The following FNDC1 variants were observed in gnomAD, a reference collection of about 807,000 sequenced individuals.
FNDC1 encodes the protein fibronectin type III domain containing 1.
In FNDC1, 96 loss-of-function variants were observed where a neutral mutation model predicts 168.0. The observed-to-expected ratio is 0.57, with a 90% CI of 0.48 to 0.68. The LOEUF (loss-of-function observed/expected upper bound fraction) is 0.68, where lower values mean the gene tolerates loss of function less well. FNDC1 is among the 30% of genes least tolerant of loss of function. The pLI, the probability that FNDC1 is intolerant of heterozygous loss-of-function variation, is 0.00. For missense variants in FNDC1, 2,587 were observed against 2,482.1 expected (o/e 1.04, Z -0.90); for synonymous variants, 1,099 against 1,025.9 (o/e 1.07, Z -1.36).
In FNDC1 at chr6:159,221,697, G is replaced by C; in HGVS notation, c.766+1G>C. Reference sequence around the variant, plus strand: ...GCCCTAACAAAGCGAAAGATTTCAGGTATGTTTCTAAGGATGCATTTGGTC... The same window carrying C: ...GCCCTAACAAAGCGAAAGATTTCAGCTATGTTTCTAAGGATGCATTTGGTC... On this transcript the variant is annotated splice_donor_variant, in intron 6 of 22. Coordinates refer to ENST00000297267, the MANE Select transcript of FNDC1 (RefSeq NM_032532.3). LOFTEE classifies it high-confidence loss of function. 2 of 1,612,222 alleles carry C rather than the reference G, an allele frequency of 1.2e-6. No homozygotes were observed. Among genetic ancestry groups the C allele is most frequent in the South Asian group, 2.2e-5 (2 of 91,048 alleles).
At chr6:159,181,302 A>G (rs1297327180) in intron 1 of FNDC1, among the ~76,000 whole-genome samples, 1 of 152,204 alleles carries the variant, frequency 6.6e-6, no homozygotes, top group African/African-American at 2.4e-5. Context: ...CAGATGAGGA[A>G]GGGATAAGCC....
At chr6:159,248,146 A>AT (rs1256862328) in intron 15 of FNDC1, among the ~76,000 whole-genome samples, 4 of 152,176 alleles carry the variant, frequency 2.6e-5, no homozygotes, top group South Asian at 4.1e-4. Flanking sequence ...GCAAACGAAG[A>AT]TTTTTTTAGC....
intron 4 of FNDC1, among the ~76,000 whole-genome samples, chr6:159,205,850 A>C (rs1476691273): frequency 6.6e-6 from 1 of 152,194 alleles, no homozygotes; most frequent in Non-Finnish European, 1.5e-5. Flanking sequence ...AGGTCATTGC[A>C]TTCAAAAGTC....
At chr6:159,206,817 G>C (rs949800173) in intron 4 of FNDC1, among the ~76,000 whole-genome samples, 5 of 152,190 alleles carry the variant, frequency 3.3e-5, no homozygotes, top group Non-Finnish European at 7.3e-5. Flanking sequence ...TGAGGTGTTT[G>C]CACAGCCAGA....
chr6:159,174,391 C>T (rs1781721712), intron 1 of FNDC1, among the ~76,000 whole-genome samples: 1 of 152,270 alleles, frequency 6.6e-6, no homozygotes, highest in South Asian at 2.1e-4. Context: ...TATGAAAAAC[C>T]TGCGTCTTCC....
At chr6:159,266,429 C>G (rs1231151921) in intron 21 of FNDC1, among the ~76,000 whole-genome samples, 184 bp downstream of exon 21, 1 of 152,090 alleles carries the variant, frequency 6.6e-6, no homozygotes, top group East Asian at 1.9e-4. Context: ...TTTACACTGG[C>G]AACCCAAAAA....
At chr6:159,199,450 G>A (rs931798089) in intron 2 of FNDC1, among the ~76,000 whole-genome samples, 3 of 152,196 alleles carry the variant, frequency 2.0e-5, no homozygotes, top group African/African-American at 7.2e-5. Flanking sequence ...AAAACAACAT[G>A]CAGACATAGT....
intron 4 of FNDC1, among the ~76,000 whole-genome samples, chr6:159,205,843 T>C (rs1782476001): frequency 6.6e-6 from 1 of 152,208 alleles, no homozygotes; most frequent in Non-Finnish European, 1.5e-5. Context: ...ATGTTTTAGG[T>C]CATTGCATTC....
At chr6:159,221,756 C>T in intron 6 of FNDC1, 60 bp downstream of exon 6, 7 of 1,232,074 alleles carry the variant, frequency 5.7e-6, no homozygotes, top group East Asian at 2.3e-5. Flanking sequence ...TATGTTGTTT[C>T]CAAATGATGC....
chr6:159,231,262 C>T (rs1783076446), intron 10 of FNDC1, among the ~76,000 whole-genome samples: 1 of 80,664 alleles, frequency 1.2e-5, no homozygotes, highest in African/African-American at 3.0e-5. Flanking sequence ...GTAGTCCCAG[C>T]TACTCGGGAG....
At chr6:159,213,769 A>G (rs1782655446) in intron 4 of FNDC1, among the ~76,000 whole-genome samples, 2 of 152,082 alleles carry the variant, frequency 1.3e-5, no homozygotes, top group Non-Finnish European at 2.9e-5. Flanking sequence ...TGAACATACC[A>G]TGGTGTTCTC....
rs1346052692 is a variant in FNDC1, at chr6:159,215,318, C to T, written c.667+167C>T. Among the ~76,000 whole-genome samples, 5 of 152,338 alleles carry T rather than the reference C, an allele frequency of 3.3e-5. No individual in the cohort carries two copies. The South Asian group carries it at 1.0e-3, about 32-fold the overall frequency. ...GTTTCTTCCATGTCCATCCTGGACGCCATCATTTTAACCTTCTGTTAGTGG... is the reference window on the plus strand; with the variant it reads ...GTTTCTTCCATGTCCATCCTGGACGTCATCATTTTAACCTTCTGTTAGTGG... On this transcript the variant is annotated intron_variant, in intron 5 of 22. Coordinates refer to ENST00000297267, the MANE Select transcript of FNDC1 (RefSeq NM_032532.3).
intron 1 of FNDC1, among the ~76,000 whole-genome samples, chr6:159,171,825 G>A (rs1267339844): frequency 1.3e-5 from 2 of 152,180 alleles, no homozygotes; most frequent in African/African-American, 4.8e-5. Context: ...AGGATGGTTA[G>A]GGATGATTTT....
chr6:159,171,827 G>T (rs1419432269), intron 1 of FNDC1, among the ~76,000 whole-genome samples: 1 of 152,184 alleles, frequency 6.6e-6, no homozygotes, highest in African/African-American at 2.4e-5. Flanking sequence ...GATGGTTAGG[G>T]ATGATTTTTA....
chr6:159,269,158 A>G (rs566546566), intron 22 of FNDC1, among the ~76,000 whole-genome samples: 2 of 145,106 alleles, frequency 1.4e-5, no homozygotes, highest in South Asian at 4.2e-4. Flanking sequence ...CCATCTGTCT[A>G]TGTATGTATG....
intron 14 of FNDC1, among the ~76,000 whole-genome samples, chr6:159,242,672 G>A (rs748236224): frequency 9.9e-5 from 15 of 152,130 alleles, no homozygotes; most frequent in African/African-American, 2.4e-4. Flanking sequence ...GAGAAACTCC[G>A]TACTCATTAG....
intron 1 of FNDC1, among the ~76,000 whole-genome samples, chr6:159,171,139 A>G (rs911214195): frequency 2.0e-5 from 3 of 152,014 alleles, no homozygotes; most frequent in Non-Finnish European, 4.4e-5. Flanking sequence ...TCCCACCGCG[A>G]TCTGCACTCT....
intron 20 of FNDC1, 56 bp downstream of exon 20, chr6:159,265,060 T>C: frequency 6.9e-7 from 1 of 1,438,936 alleles, no homozygotes; most frequent in Non-Finnish European, 9.6e-7. Context: ...GAATATTGAA[T>C]ATGAGATTGT....
chr6:159,169,613 G>A lies in FNDC1; in HGVS notation c.17G>A (p.Gly6Glu). 1 of 1,129,572 alleles carries A rather than the reference G, an allele frequency of 8.9e-7. No homozygotes were observed. The highest frequency in any genetic ancestry group is 1.1e-6 in the Non-Finnish European group (1 of 923,622). 70.0% of individuals were successfully genotyped at this position (1,129,572 alleles called of 1,614,324 possible). A position where few individuals can be genotyped will look rare whatever the true frequency, so the allele number is the denominator to read the frequency against. Residue 6 changes from glycine (G) to glutamate (E), a missense_variant, in exon 1 of 23, where the codon GGG becomes GAG. Gly to Glu is a moderately conservative substitution (Grantham distance 98). Coordinates refer to ENST00000297267, the MANE Select transcript of FNDC1 (RefSeq NM_032532.3). The surrounding 1 kb of genome is among the most constrained non-coding windows in gnomAD (Gnocchi z 6.8). MAPEA[G>E]ATLRAPRRLS... Reference sequence around the variant, plus strand: ...GGGCTCTCGATGGCCCCCGAGGCCGGGGCGACCCTGCGCGCGCCGCGCCGG... The same window carrying A: ...GGGCTCTCGATGGCCCCCGAGGCCGAGGCGACCCTGCGCGCGCCGCGCCGG...
Sources: gnomAD v4.1 joint callset for allele counts (sites outside exome capture counted in the v4.1 genomes callset) on GRCh38, gnomAD v4.1.1 for gene constraint, Gnocchi (gnomAD v3.1) non-coding constraint, MANE v1.5 for transcripts, NCBI Gene and HGNC (gene_info 2026-07-23, HGNC 2026-07-21) for gene names.